TANK: variants seen among roughly 807,000 people sequenced by gnomAD.
TANK encodes TRAF family member associated NFKB activator.
In TANK, 15 loss-of-function variants were observed where a neutral mutation model predicts 43.6. The ratio of observed to expected loss-of-function variants is 0.34; its 90% CI spans 0.23 to 0.53. TANK has a LOEUF of 0.53. TANK is among the 20% of genes least tolerant of loss of function. The pLI, the probability that TANK is intolerant of heterozygous loss-of-function variation, is 0.94. For missense variants in TANK, 417 were observed against 498.6 expected, an observed-to-expected ratio of 0.84 and a Z score of 1.56; for synonymous variants, 162 against 178.2, an observed-to-expected ratio of 0.91 and a Z score of 0.73.
At chr2:161,222,493 TTC>T (rs1440664861) in intron 4 of TANK, among the ~76,000 whole-genome samples, 2 of 152,146 alleles carry the variant, frequency 1.3e-5, no homozygotes, top group African/African-American at 4.8e-5. Context: ...ATTTGTAGTG[TTC>T]TGACTGGCTG....
chr2:161,190,118 A>G (rs1685845640), intron 2 of TANK, among the ~76,000 whole-genome samples: 1 of 152,178 alleles, frequency 6.6e-6, no homozygotes, highest in Non-Finnish European at 1.5e-5. Context: ...ATAAAGAACT[A>G]CAGCTCAACA....
At chr2:161,151,731 G>A (rs1684086728) in intron 1 of TANK, among the ~76,000 whole-genome samples, 2 of 152,074 alleles carry the variant, frequency 1.3e-5, no homozygotes, top group Non-Finnish European at 2.9e-5. Context: ...ATTCTGCCAA[G>A]CTCTGCCTCT....
At chr2:161,222,453 T>C (rs1163915920) in intron 4 of TANK, among the ~76,000 whole-genome samples, 1 of 152,102 alleles carries the variant, frequency 6.6e-6, no homozygotes, top group Non-Finnish European at 1.5e-5. Context: ...ATAGACTTAA[T>C]AATAAAATCT....
intron 2 of TANK, chr2:161,200,519 A>G (rs752612019): frequency 1.5e-5 from 15 of 983,338 alleles, no homozygotes; most frequent in Non-Finnish European, 1.8e-5. Flanking sequence ...TTTCCCTCTC[A>G]TAGTCTGTGG....
intron 4 of TANK, among the ~76,000 whole-genome samples, chr2:161,214,513 GT>G (rs34231998): frequency 5.4e-5 from 8 of 147,240 alleles, no homozygotes; most frequent in African/African-American, 5.0e-5. Flanking sequence ...TTTTTTGCTG[GT>G]TTTTTTTTTT....
chr2:161,231,702 TAAA>T, intron 7 of TANK, 151 bp downstream of exon 7: 1 of 706,642 alleles, frequency 1.4e-6, no homozygotes, highest in Non-Finnish European at 2.3e-6. Flanking sequence ...AGTCCCATAA[TAAA>T]TGACATGAAA....
chr2:161,175,926 C>G (rs1172230974), intron 1 of TANK, among the ~76,000 whole-genome samples: 1 of 152,066 alleles, frequency 6.6e-6, no homozygotes, highest in Non-Finnish European at 1.5e-5. Flanking sequence ...TTGAGCTAGC[C>G]CTGCTACCTT....
intron 1 of TANK, among the ~76,000 whole-genome samples, chr2:161,142,538 A>G (rs1683780762): frequency 6.6e-6 from 1 of 152,132 alleles, no homozygotes; most frequent in African/African-American, 2.4e-5. Flanking sequence ...TTTTCTGCAT[A>G]TGGCTAGCCA....
At chr2:161,209,843 T>G (rs1044834662) in intron 4 of TANK, among the ~76,000 whole-genome samples, 1 of 152,240 alleles carries the variant, frequency 6.6e-6, no homozygotes, top group African/African-American at 2.4e-5. Flanking sequence ...GTCTTCTGGC[T>G]TAAAGTCTTG....
intron 1 of TANK, among the ~76,000 whole-genome samples, chr2:161,166,462 A>C (rs1226835904): frequency 1.3e-5 from 2 of 152,254 alleles, no homozygotes; most frequent in African/African-American, 4.8e-5. Flanking sequence ...CAGGTAAGGA[A>C]AACACACTTA....
At chr2:161,137,681 C>T (rs1166959196) in intron 1 of TANK, among the ~76,000 whole-genome samples, 1 of 151,982 alleles carries the variant, frequency 6.6e-6, no homozygotes, top group Non-Finnish European at 1.5e-5. Context: ...TCTATACAAA[C>T]ATTAACTCAA....
chr2:161,170,567 C>G (rs1306082803), intron 1 of TANK, among the ~76,000 whole-genome samples: 2 of 152,202 alleles, frequency 1.3e-5, no homozygotes, highest in Non-Finnish European at 2.9e-5. Flanking sequence ...GCTTTCCAAG[C>G]TATGACTCGA....
At chr2:161,202,646 AT>A (rs1372340506) in intron 2 of TANK, among the ~76,000 whole-genome samples, 2 of 152,274 alleles carry the variant, frequency 1.3e-5, no homozygotes, top group African/African-American at 2.4e-5. Flanking sequence ...TTCATTTTAT[AT>A]TTCAAGGAAT....
At chr2:161,198,282 C>A (rs1056798289) in intron 2 of TANK, among the ~76,000 whole-genome samples, 17 of 152,222 alleles carry the variant, frequency 1.1e-4, no homozygotes, top group Admixed American at 1.1e-3. Context: ...ACATTAAACC[C>A]TGAAGCTTGG....
At chr2:161,192,066 G>A (rs1009626569) in intron 2 of TANK, among the ~76,000 whole-genome samples, 7 of 152,150 alleles carry the variant, frequency 4.6e-5, no homozygotes, top group Non-Finnish European at 1.5e-5. Context: ...GGGATTACAG[G>A]TGTGAGCCAC....
At chr2:161,196,204 A>G (rs1207514558) in intron 2 of TANK, among the ~76,000 whole-genome samples, 1 of 152,262 alleles carries the variant, frequency 6.6e-6, no homozygotes, top group Non-Finnish European at 1.5e-5. Context: ...TACTGAGAAA[A>G]GGAATACTAG....
At chr2:161,219,756 T>G (rs1559003896) in intron 4 of TANK, 1 of 466,020 alleles carries the variant, frequency 2.1e-6, no homozygotes, top group Non-Finnish European at 4.4e-6. Flanking sequence ...CTATAACATC[T>G]TTTGTCTCAG....
At chr2:161,206,090 A>G (rs1686640918) in intron 4 of TANK, among the ~76,000 whole-genome samples, 1 of 152,198 alleles carries the variant, frequency 6.6e-6, no homozygotes, top group Non-Finnish European at 1.5e-5. Context: ...AGAGACTGTG[A>G]TATCTGAAAA....
intron 4 of TANK, chr2:161,219,800 A>C (rs1020275932): frequency 2.3e-6 from 1 of 437,588 alleles, no homozygotes; most frequent in African/African-American, 2.1e-5. Context: ...ATTCAACCTC[A>C]GTTCCTCCTT....
Sources: allele counts gnomAD v4.1 joint callset (sites outside exome capture counted in the v4.1 genomes callset), GRCh38; gene constraint gnomAD v4.1.1; transcripts MANE v1.5; gene names NCBI Gene and HGNC (gene_info 2026-07-23, HGNC 2026-07-21).